The following XKR9 variants were observed in gnomAD, a reference collection of about 807,000 sequenced individuals.
XKR9 encodes the protein XK related 9.
In XKR9, 32 loss-of-function variants were observed where a neutral mutation model predicts 32.0. The ratio of observed to expected loss-of-function variants is 1.00; its 90% CI spans 0.76 to 1.34. XKR9 has a LOEUF of 1.34. XKR9 is among the 40% of genes most tolerant of loss of function. The pLI is 0.00. For synonymous variants in XKR9, 168 were observed against 143.4 expected, an observed-to-expected ratio of 1.17 and a Z score of -1.22; for missense variants, 546 against 429.7, an observed-to-expected ratio of 1.27 and a Z score of -2.39.
the XKR9 span, among the ~76,000 whole-genome samples, chr8:70,975,423 G>A: frequency 6.6e-6 from 1 of 152,186 alleles, no homozygotes; most frequent in African/African-American, 2.4e-5. Flanking sequence ...TTTGTATAAG[G>A]TGTAAGGAAG....
In XKR9 at chr8:70,754,447, G is replaced by T. The variant is rs180685626; in HGVS notation, n.353-34892G>T. 9.8e-3 allele frequency among the ~76,000 whole-genome samples: 1,257 copies of T among 128,862 alleles called. 66 individuals carry two copies. The highest frequency in any genetic ancestry group is 0.03 in the African/African-American group (1,199 of 39,574). 84.5% of individuals were successfully genotyped at this position (128,862 alleles called of 152,430 possible). A position where few individuals can be genotyped will look rare whatever the true frequency, so the allele number is the denominator to read the frequency against. On this transcript the variant is annotated intron_variant and non_coding_transcript_variant, in intron 2 of 3. Transcript: ENST00000520273. ...TTCATATGAAACCATAAAAGAGCCC[G>T]CATCGCCAAGTCAATCCTAAGCCAA...
chr8:70,702,709 G>A (rs926483120), intron 3 of XKR9, among the ~76,000 whole-genome samples: 2 of 152,022 alleles, frequency 1.3e-5, no homozygotes, highest in African/African-American at 4.8e-5. Flanking sequence ...TCCTTGATTC[G>A]AAGTCTGTTT....
chr8:70,743,419 G>A (rs545350156), intron 2 of XKR9, among the ~76,000 whole-genome samples: 1 of 152,036 alleles, frequency 6.6e-6, no homozygotes, highest in Non-Finnish European at 1.5e-5. Flanking sequence ...TCTTGAGTAT[G>A]GGTTACATTT....
At chr8:70,911,991 C>G in the XKR9 span, among the ~76,000 whole-genome samples, 2 of 152,270 alleles carry the variant, frequency 1.3e-5, no homozygotes, top group East Asian at 3.9e-4. Context: ...ATACCTAAGT[C>G]AACACCTGAA....
intron 3 of XKR9, among the ~76,000 whole-genome samples, chr8:70,683,787 C>T (rs1406252915): frequency 1.3e-5 from 2 of 152,192 alleles, no homozygotes; most frequent in Non-Finnish European, 2.9e-5. Flanking sequence ...CATGTTCGGC[C>T]CTAGAATTAC....
the XKR9 span, among the ~76,000 whole-genome samples, chr8:70,806,648 G>A: frequency 6.6e-6 from 1 of 152,048 alleles, no homozygotes; most frequent in African/African-American, 2.4e-5. Context: ...TGAATTGACT[G>A]AGCAGAAGAA....
In XKR9 at chr8:70,734,866, G is replaced by C. The variant is rs933147179; in HGVS notation, c.*442G>C. ...GGGACAGGTTGAGTAGAGGAAAAGG[G>C]AAAGAAGGGAAAGCAGAAAACAAAT... is the stretch of plus-strand genomic sequence containing the variant. On this transcript the variant is annotated 3_prime_UTR_variant, in exon 5 of 5. Coordinates refer to ENST00000408926, the MANE Select transcript of XKR9 (RefSeq NM_001011720.2). 1 of 152,466 alleles carries C rather than the reference G, an allele frequency of 6.6e-6. No homozygotes were observed. Among genetic ancestry groups the C allele is most frequent in the Middle Eastern group, 3.4e-3 (1 of 294 alleles). 9.4% of individuals were successfully genotyped at this position (152,466 alleles called of 1,614,324 possible). A position where few individuals can be genotyped will look rare whatever the true frequency, so the allele number is the denominator to read the frequency against.
the XKR9 span, among the ~76,000 whole-genome samples, chr8:71,048,131 T>C: frequency 6.6e-5 from 10 of 152,348 alleles, no homozygotes; most frequent in East Asian, 1.2e-3. Context: ...AACAGTTGTC[T>C]CCATGTTGTA....
the XKR9 span, among the ~76,000 whole-genome samples, chr8:70,831,531 T>G: frequency 1.3e-5 from 2 of 152,166 alleles, no homozygotes; most frequent in Non-Finnish European, 1.5e-5. Flanking sequence ...CCTTCATCTC[T>G]TCTCCATGTT....
the XKR9 span, among the ~76,000 whole-genome samples, chr8:70,961,769 T>C: frequency 3.9e-5 from 6 of 152,106 alleles, no homozygotes; most frequent in Non-Finnish European, 5.9e-5. Flanking sequence ...AATACATAAA[T>C]TTCACTGAAG....
chr8:70,874,149 A>T, the XKR9 span, among the ~76,000 whole-genome samples: 1 of 152,214 alleles, frequency 6.6e-6, no homozygotes, highest in Non-Finnish European at 1.5e-5. Flanking sequence ...GTAAACTTTT[A>T]TATGCACAGG....
At chr8:70,781,877 G>C (rs1045530449) in intron 2 of XKR9, among the ~76,000 whole-genome samples, 1 of 152,112 alleles carries the variant, frequency 6.6e-6, no homozygotes, top group Non-Finnish European at 1.5e-5. Flanking sequence ...GATTACTGGG[G>C]GAAAATTGTT....
the XKR9 span, among the ~76,000 whole-genome samples, chr8:71,056,117 T>C: frequency 1.3e-5 from 2 of 152,228 alleles, no homozygotes; most frequent in Non-Finnish European, 2.9e-5. Context: ...GTAGACCTTA[T>C]GGAAGTAGAG....
chr8:70,697,529 G>C (rs1805328540), intron 3 of XKR9, among the ~76,000 whole-genome samples: 1 of 150,506 alleles, frequency 6.6e-6, no homozygotes, highest in African/African-American at 2.5e-5. Context: ...TCCCAGGGAT[G>C]AAGCCCACTT....
chr8:70,722,727 C>T (rs757123328), intron 4 of XKR9, among the ~76,000 whole-genome samples: 4 of 152,118 alleles, frequency 2.6e-5, no homozygotes, highest in Non-Finnish European at 5.9e-5. Context: ...CTGCCCTTAA[C>T]ATTTTTTCCT....
chr8:71,058,037 C>T, the XKR9 span, among the ~76,000 whole-genome samples: 5 of 151,892 alleles, frequency 3.3e-5, no homozygotes, highest in African/African-American at 9.7e-5. Context: ...AAAAATTAGC[C>T]GGGTGTGGTG....
chr8:70,952,919 T>C, the XKR9 span, among the ~76,000 whole-genome samples: 1 of 152,240 alleles, frequency 6.6e-6, no homozygotes, highest in Non-Finnish European at 1.5e-5. Flanking sequence ...TTTCATCAAA[T>C]GACATTGCTG....
At chr8:70,711,166 A>G (rs544970415) in intron 4 of XKR9, among the ~76,000 whole-genome samples, 3 of 152,286 alleles carry the variant, frequency 2.0e-5, no homozygotes, top group African/African-American at 7.2e-5. Flanking sequence ...CTGTTATACA[A>G]ACTGTTGGTG....
chr8:70,873,721 T>G, the XKR9 span, among the ~76,000 whole-genome samples: 1 of 152,212 alleles, frequency 6.6e-6, no homozygotes, highest in Non-Finnish European at 1.5e-5. Context: ...GTAAACATCA[T>G]TGAAATGAAA....
Sources: gnomAD v4.1 joint callset for allele counts (sites outside exome capture counted in the v4.1 genomes callset) on GRCh38, gnomAD v4.1.1 for gene constraint, MANE v1.5 for transcripts, NCBI Gene and HGNC (gene_info 2026-07-23, HGNC 2026-07-21) for gene names.